Variants in ATP6V0A1 observed in about 807,000 individuals in gnomAD.
The protein encoded by ATP6V0A1 is ATPase H+ transporting V0 subunit a1, also known as V-type proton ATPase 116 kDa subunit a 1.
ATP6V0A1 carries 43 observed loss-of-function variants against 105.4 expected under a neutral mutation model. The ratio of observed to expected loss-of-function variants is 0.41; its 90% CI spans 0.32 to 0.53. ATP6V0A1 has a LOEUF of 0.53. Ranked by LOEUF, ATP6V0A1 falls within the 20% of genes least tolerant of loss-of-function variation. ATP6V0A1 has a pLI of 0.30. For synonymous variants in ATP6V0A1, 362 were observed against 372.8 expected, an observed-to-expected ratio of 0.97 and a Z score of 0.33; for missense variants, 676 against 1,051.1, an observed-to-expected ratio of 0.64 and a Z score of 4.93.
rs142629560 is a variant in ATP6V0A1 at position 42,494,338 on chromosome 17, G to A, written c.1179G>A (p.Pro393=). The change falls in exon 12 of 22, where the codon CCG becomes CCA. Residue 393 remains proline, a synonymous_variant. Transcript: ENST00000343619. ...IGTYREINPA[P]YTIITFPFLF... ...CTTTTTTTGGTTTCTTCATAGCTCCGTATACTATTATCACGTTCCCTTTTC... is the reference window on the plus strand; with the variant it reads ...CTTTTTTTGGTTTCTTCATAGCTCCATATACTATTATCACGTTCCCTTTTC... 7.2e-5 allele frequency: 116 copies of A among 1,611,930 alleles called. 1 individual carries two copies. In the African/African-American group the frequency reaches 9.9e-4, roughly 14 times the overall value.
chr17:42,514,889 C>A (rs2092540133), intron 21 of ATP6V0A1, among the ~76,000 whole-genome samples: 1 of 152,128 alleles, frequency 6.6e-6, no homozygotes, highest in African/African-American at 2.4e-5. Context: ...CCAGCTTTAT[C>A]CTCTTTGTTC....
At chr17:42,470,441 C>A in intron 5 of ATP6V0A1, 1 of 444,066 alleles carries the variant, frequency 2.3e-6, no homozygotes, top group Non-Finnish European at 4.1e-6. Context: ...TTTTTCATCT[C>A]AATATGAGGA....
intron 2 of ATP6V0A1, among the ~76,000 whole-genome samples, chr17:42,464,720 C>T (rs1327027222): frequency 1.3e-5 from 2 of 151,934 alleles, no homozygotes; most frequent in African/African-American, 4.8e-5. Flanking sequence ...TTGTATGTTT[C>T]TATGTGTGTA....
chr17:42,490,573 T>A lies in ATP6V0A1; in HGVS notation c.1110T>A (p.Phe370Leu). 6.2e-7 allele frequency: 1 copy of A among 1,613,748 alleles called. No individual in the cohort carries two copies. Among genetic ancestry groups the A allele is most frequent in the Non-Finnish European group, 8.5e-7 (1 of 1,179,834 alleles). ...CAACCTATAACAAAACCAACAAGTT[T>A]ACCTATGGCTTTCAGAACATAGTAG... ...TPPTYNKTNK[F>L]TYGFQNIVDA... Residue 370 changes from phenylalanine to leucine, a missense_variant, in exon 11 of 22, where the codon TTT (phenylalanine) becomes TTA (leucine). Phe to Leu is a conservative substitution (Grantham distance 22). This residue lies in a region of ATP6V0A1 where 435 missense variants were observed against 642.2 expected (regional missense o/e 0.68). Transcript: ENST00000343619.
intron 9 of ATP6V0A1, among the ~76,000 whole-genome samples, chr17:42,485,963 TC>T (rs1278173500): frequency 6.6e-6 from 1 of 152,208 alleles, no homozygotes; most frequent in East Asian, 1.9e-4. Context: ...ACAAAGGAAG[TC>T]ACCTTCCTCT....
rs142083833 is a variant in ATP6V0A1 at position 42,514,042 on chromosome 17, G to T, written c.2248+64G>T. Reference sequence around the variant, plus strand: ...CCCTCTGTGGGCGCACTGTCAGTTGGGGGGCTTAAGTCAAATGGAAATTAC... The same window carrying T: ...CCCTCTGTGGGCGCACTGTCAGTTGTGGGGCTTAAGTCAAATGGAAATTAC... On this transcript the variant is annotated intron_variant, in intron 20 of 21. Transcript: ENST00000343619. The T allele has an allele frequency of 8.6e-6, 13 of 1,520,092 alleles. No individual in the cohort carries two copies. The Admixed American group carries it at 1.9e-4, about 22-fold the overall frequency. 94.2% of individuals were successfully genotyped at this position (1,520,092 alleles called of 1,614,324 possible). A position where few individuals can be genotyped will look rare whatever the true frequency, so the allele number is the denominator to read the frequency against.
At chr17:42,493,848 A>G (rs2090902479) in intron 11 of ATP6V0A1, among the ~76,000 whole-genome samples, 1 of 152,096 alleles carries the variant, frequency 6.6e-6, no homozygotes, top group South Asian at 2.1e-4. Flanking sequence ...CTCAAATTTC[A>G]TTAGCTACTT....
In ATP6V0A1 at chr17:42,458,925, C is replaced by G. The variant is rs1250295914; in HGVS notation, c.-86C>G. 1.3e-5 allele frequency: 2 copies of G among 153,268 alleles called. No homozygotes were observed. The highest frequency in any genetic ancestry group is 2.9e-5 in the Non-Finnish European group (2 of 68,692). 9.5% of individuals were successfully genotyped at this position (153,268 alleles called of 1,614,324 possible). On this transcript the variant is annotated 5_prime_UTR_variant, in exon 1 of 22. Transcript: ENST00000343619. ...GCCGCGGAGGGTGCGGGTTTGGCTG[C>G]GGTGGTTTCTGTGGCGGTTGCTGTG...
At chr17:42,502,788 T>G (rs143513641) in intron 17 of ATP6V0A1, 10 of 152,662 alleles carry the variant, frequency 6.6e-5, no homozygotes, top group African/African-American at 2.4e-4. Flanking sequence ...TTCCATTCAC[T>G]ATCAGGAAGG....
At chr17:42,488,201 TG>T (rs1255470616) in intron 10 of ATP6V0A1, among the ~76,000 whole-genome samples, 2 of 152,142 alleles carry the variant, frequency 1.3e-5, no homozygotes, top group African/African-American at 4.8e-5. Context: ...CTTTGAAGAA[TG>T]ATAAGTTGTT....
chr17:42,483,874 G>T (rs1404645321), intron 9 of ATP6V0A1, among the ~76,000 whole-genome samples: 2 of 152,002 alleles, frequency 1.3e-5, no homozygotes, highest in African/African-American at 4.8e-5. Flanking sequence ...GAATCACTGT[G>T]CCTGGCCTAA....
intron 21 of ATP6V0A1, chr17:42,520,333 C>T: frequency 2.4e-6 from 1 of 419,756 alleles, no homozygotes; most frequent in South Asian, 1.7e-5. Context: ...GCTTATGGGA[C>T]AGTCTTCCTC....
At chr17:42,490,275 T>C (rs1347545775) in intron 10 of ATP6V0A1, among the ~76,000 whole-genome samples, 1 of 152,206 alleles carries the variant, frequency 6.6e-6, no homozygotes, top group Non-Finnish European at 1.5e-5. Flanking sequence ...ATTATAAATG[T>C]TATACCTTTT....
chr17:42,497,759 C>T (rs527563980), intron 14 of ATP6V0A1, among the ~76,000 whole-genome samples: 4 of 147,476 alleles, frequency 2.7e-5, no homozygotes, highest in Non-Finnish European at 3.0e-5. Flanking sequence ...AAGTCCTGGC[C>T]GGGCGCGGTG....
intron 9 of ATP6V0A1, among the ~76,000 whole-genome samples, chr17:42,483,493 C>T (rs942984333): frequency 2.6e-5 from 4 of 152,086 alleles, no homozygotes; most frequent in African/African-American, 4.8e-5. Context: ...CTGCAACCTC[C>T]GCCTCCTAGG....
intron 17 of ATP6V0A1, 145 bp downstream of exon 17, chr17:42,501,449 C>G (rs2146138417): frequency 1.5e-6 from 1 of 674,808 alleles, no homozygotes; most frequent in Non-Finnish European, 2.4e-6. Flanking sequence ...GAGTCTCGCT[C>G]TGTCCCCCAG....
At chr17:42,474,105 C>T (rs1007411952) in intron 5 of ATP6V0A1, among the ~76,000 whole-genome samples, 2 of 151,750 alleles carry the variant, frequency 1.3e-5, no homozygotes, top group African/African-American at 2.4e-5. Flanking sequence ...CGGGTTCAAG[C>T]GATTCTCCTG....
At chr17:42,478,627 G>A (rs1224612950) in intron 7 of ATP6V0A1, 38 bp downstream of exon 7, 3 of 1,524,892 alleles carry the variant, frequency 2.0e-6, no homozygotes, top group East Asian at 5.0e-5. Flanking sequence ...AGTAGGTCTT[G>A]TAAAGGGAGC....
At chr17:42,501,581 A>G (rs1157464799) in intron 17 of ATP6V0A1, among the ~76,000 whole-genome samples, 1 of 151,840 alleles carries the variant, frequency 6.6e-6, no homozygotes, top group Non-Finnish European at 1.5e-5. Flanking sequence ...CACCTGGCTA[A>G]TTCTTGTATT....
Sources: allele counts gnomAD v4.1 joint callset (sites outside exome capture counted in the v4.1 genomes callset), GRCh38; gene constraint gnomAD v4.1.1; regional missense constraint gnomAD v4.1.1; transcripts MANE v1.5; gene names NCBI Gene and HGNC (gene_info 2026-07-23, HGNC 2026-07-21).